MAP4: variants seen among roughly 807,000 people sequenced by gnomAD.
MAP4 encodes the protein microtubule-associated protein 4.
MAP4 carries 76 observed loss-of-function variants against 170.2 expected under a neutral mutation model. The observed-to-expected ratio is 0.45, with a 90% confidence interval of 0.37 to 0.54. The LOEUF (loss-of-function observed/expected upper bound fraction) is 0.54. MAP4 is among the 20% of genes least tolerant of loss of function. The pLI is 0.00. For missense variants in MAP4, 2,506 were observed against 2,748.0 expected (o/e 0.91, Z 1.97); for synonymous variants, 909 against 994.5 (o/e 0.91, Z 1.62).
intron 2 of MAP4, among the ~76,000 whole-genome samples, chr3:47,980,450 C>T (rs1296956745): frequency 6.6e-6 from 1 of 152,194 alleles, no homozygotes; most frequent in Non-Finnish European, 1.5e-5. Context: ...TGGAAGACCA[C>T]AAACATGCTG....
intron 1 of MAP4, among the ~76,000 whole-genome samples, chr3:48,033,420 G>A (rs940272571): frequency 6.6e-6 from 1 of 152,006 alleles, no homozygotes; most frequent in African/African-American, 2.4e-5. Flanking sequence ...TTGAAGCCCT[G>A]GTTAAAGCTT....
In MAP4 at chr3:47,909,059, GTC is replaced by G. The variant is rs1405691961; in HGVS notation, c.5360_5361del (p.Arg1787ThrfsTer2). 1 of 1,613,380 alleles carries G rather than the reference GTC, an allele frequency of 6.2e-7. No individual in the cohort carries two copies. The highest frequency in any genetic ancestry group is 8.5e-7 in the Non-Finnish European group (1 of 1,179,726). On this transcript the variant is annotated frameshift_variant, in exon 9 of 21. Transcript: ENST00000683076. LOFTEE classifies it high-confidence loss of function. ...ATACCAGCGGACTTCAGTTGCTTATGTCTCTCTTGTTCCTGGATTGTAGACTT... is the reference window on the plus strand; with the variant it reads ...ATACCAGCGGACTTCAGTTGCTTATGTCTCTTGTTCCTGGATTGTAGACTT... ...LPKSTIQEQE[R>X]HKQLKSAVCL...
At chr3:47,923,888 T>C (rs2100044366) in intron 4 of MAP4, among the ~76,000 whole-genome samples, 1 of 150,948 alleles carries the variant, frequency 6.6e-6, no homozygotes, top group Non-Finnish European at 1.5e-5. Flanking sequence ...AGAGAGATGA[T>C]AAACATTCAT....
chr3:47,897,989 CAA>C (rs2100027949), intron 10 of MAP4, among the ~76,000 whole-genome samples: 2 of 151,022 alleles, frequency 1.3e-5, no homozygotes, highest in Non-Finnish European at 1.5e-5. Flanking sequence ...TTTAATTATG[CAA>C]AGAGTAAGAT....
At chr3:48,080,632 A>C (rs1408169088) in intron 1 of MAP4, among the ~76,000 whole-genome samples, 1 of 152,140 alleles carries the variant, frequency 6.6e-6, no homozygotes, top group African/African-American at 2.4e-5. Flanking sequence ...GGATTGCTTG[A>C]GGCCAGGAAT....
At chr3:47,982,917 A>C (rs946473439) in intron 2 of MAP4, among the ~76,000 whole-genome samples, 7 of 152,310 alleles carry the variant, frequency 4.6e-5, no homozygotes, top group Admixed American at 4.6e-4. Flanking sequence ...TTTTTGTTTG[A>C]GACAGAGTCT....
At chr3:48,029,691 GTAA>G (rs1490144726) in intron 1 of MAP4, among the ~76,000 whole-genome samples, 2 of 152,068 alleles carry the variant, frequency 1.3e-5, no homozygotes, top group African/African-American at 4.8e-5. Flanking sequence ...AGTTCCAGTA[GTAA>G]TAAAATCGTA....
chr3:48,067,956 T>A (rs972655689), intron 1 of MAP4, among the ~76,000 whole-genome samples: 19 of 152,200 alleles, frequency 1.2e-4, no homozygotes, highest in African/African-American at 4.1e-4. Flanking sequence ...AGCATTTTTT[T>A]AAAAACTATT....
intron 3 of MAP4, among the ~76,000 whole-genome samples, chr3:47,950,218 G>A (rs1235073555): frequency 1.3e-5 from 2 of 152,104 alleles, no homozygotes; most frequent in Non-Finnish European, 2.9e-5. Flanking sequence ...CCCTTTAATG[G>A]TTAATCTATT....
At chr3:48,072,191 T>A (rs1315805560) in intron 1 of MAP4, among the ~76,000 whole-genome samples, 2 of 151,722 alleles carry the variant, frequency 1.3e-5, no homozygotes, top group African/African-American at 4.9e-5. Flanking sequence ...AAACTCCATC[T>A]CAAAAATACT....
At chr3:47,978,589 T>G (rs2100083568) in intron 2 of MAP4, among the ~76,000 whole-genome samples, 1 of 152,192 alleles carries the variant, frequency 6.6e-6, no homozygotes, top group Non-Finnish European at 1.5e-5. Flanking sequence ...GTGCTGAGAT[T>G]ACAGATGTGA....
chr3:47,879,614 T>TTGTG (rs151310580), intron 10 of MAP4, among the ~76,000 whole-genome samples: 10 of 151,594 alleles, frequency 6.6e-5, no homozygotes, highest in African/African-American at 2.2e-4. Flanking sequence ...ATGCACTCAT[T>TTGTG]TGTGTGTGTG....
chr3:48,034,716 A>T (rs184203958), intron 1 of MAP4, among the ~76,000 whole-genome samples: 141 of 151,560 alleles, frequency 9.3e-4, no homozygotes, highest in Middle Eastern at 3.4e-3. Context: ...AAAATAAAAA[A>T]TTTTTTTTCA....
chr3:47,943,683 T>C (rs1381447815), intron 3 of MAP4, among the ~76,000 whole-genome samples: 1 of 151,992 alleles, frequency 6.6e-6, no homozygotes, highest in Non-Finnish European at 1.5e-5. Flanking sequence ...TTGACATCCC[T>C]ACAATGGTTG....
chr3:47,930,088 C>T (rs2100048602), intron 3 of MAP4, among the ~76,000 whole-genome samples: 1 of 152,184 alleles, frequency 6.6e-6, no homozygotes, highest in African/African-American at 2.4e-5. Context: ...TGACATTGTG[C>T]CACTGTACTG....
At chr3:47,987,389 GA>G in intron 2 of MAP4, 2 of 1,532,872 alleles carry the variant, frequency 1.3e-6, no homozygotes, top group Non-Finnish European at 1.7e-6. Flanking sequence ...TTACCAAGAG[GA>G]AGATGAAAAG....
At chr3:47,854,484 C>G (rs1376366138) in intron 19 of MAP4, among the ~76,000 whole-genome samples, 2 of 152,182 alleles carry the variant, frequency 1.3e-5, no homozygotes, top group South Asian at 2.1e-4. Flanking sequence ...GCCCCTCTCC[C>G]CTGCGCACCT....
At chr3:47,973,685 C>T in intron 3 of MAP4, 3 of 985,320 alleles carry the variant, frequency 3.0e-6, no homozygotes, top group Non-Finnish European at 3.6e-6. Flanking sequence ...CAGGCTTCTC[C>T]ACCCATAACT....
At chr3:47,966,391 C>A (rs550835660) in intron 3 of MAP4, among the ~76,000 whole-genome samples, 4 of 151,682 alleles carry the variant, frequency 2.6e-5, no homozygotes, top group Non-Finnish European at 5.9e-5. Context: ...GGACTACAGG[C>A]GCCTGCCACC....
Sources: gnomAD v4.1 joint callset for allele counts (sites outside exome capture counted in the v4.1 genomes callset) on GRCh38, gnomAD v4.1.1 for gene constraint, MANE v1.5 for transcripts, NCBI Gene and HGNC (gene_info 2026-07-23, HGNC 2026-07-21) for gene names.